The following SCIN variants were observed in gnomAD, a reference collection of about 807,000 sequenced individuals.
SCIN encodes the protein scinderin.
Under a neutral mutation model 91.8 loss-of-function variants are expected in SCIN, and 91 were observed. The ratio of observed to expected loss-of-function variants is 0.99; its 90% CI spans 0.84 to 1.18. SCIN has a LOEUF of 1.18. Among genes scored for constraint, SCIN ranks in the 50% most tolerant of loss-of-function variants. The pLI is 0.00. For missense variants in SCIN, 1,087 were observed against 863.9 expected (o/e 1.26, Z -3.24); for synonymous variants, 367 against 312.6 (o/e 1.17, Z -1.84).
In SCIN at chr7:12,652,856, C is replaced by T. The variant is rs985770949; in HGVS notation, c.*141C>T. On this transcript the variant is annotated 3_prime_UTR_variant, in exon 16 of 16. Coordinates refer to ENST00000297029, the MANE Select transcript of SCIN (RefSeq NM_001112706.3). ...CGGTGGCTCACACCTGTAATCCCAG[C>T]ACTTTGAGAGGATGAGGTAGGCGGA... The T allele has an allele frequency of 2.0e-6, 2 of 985,992 alleles. No homozygotes were observed. The highest frequency in any genetic ancestry group is 1.7e-5 in the African/African-American group (1 of 59,074). 61.1% of individuals were successfully genotyped at this position (985,992 alleles called of 1,614,324 possible). A position where few individuals can be genotyped will look rare whatever the true frequency, so the allele number is the denominator to read the frequency against.
intron 9 of SCIN, among the ~76,000 whole-genome samples, chr7:12,632,185 A>G (rs1191232170): frequency 1.3e-5 from 2 of 150,030 alleles, no homozygotes; most frequent in African/African-American, 2.5e-5. Flanking sequence ...GCTGGAGTAC[A>G]GTGGTGCCAC....
At chr7:12,625,281 T>C (rs1055876115) in intron 6 of SCIN, 139 bp downstream of exon 6, 2 of 756,026 alleles carry the variant, frequency 2.6e-6, no homozygotes, top group Non-Finnish European at 4.0e-6. Flanking sequence ...TCACATAAAA[T>C]GCAGCCATTT....
Position 12,626,638 on chromosome 7 carries a change from G to T in SCIN, c.1036G>T (p.Asp346Tyr). The change falls in exon 8 of 16, where the codon GAC becomes TAC. Residue 346 changes from aspartate (D) to tyrosine (Y), a missense_variant. Transcript: ENST00000297029. Reference sequence around the variant, plus strand: ...ACCAATCTTCAAACAGTTTTTTAAGGACTGGAGAGATAAAGATCAGAGTGA... The same window carrying T: ...ACCAATCTTCAAACAGTTTTTTAAGTACTGGAGAGATAAAGATCAGAGTGA... ...ETPIFKQFFK[D>Y]WRDKDQSDGF... 2 of 1,553,844 alleles carry T rather than the reference G, an allele frequency of 1.3e-6. No individual in the cohort carries two copies. Among genetic ancestry groups the T allele is most frequent in the Non-Finnish European group, 1.7e-6 (2 of 1,148,114 alleles).
Position 12,657,572 on chromosome 7 carries a change from A to ATATATATATATATAT in SCIN, c.*4858_*4859insATATATATATATATT, listed in dbSNP as rs1554298408. 4.5e-5 allele frequency: 1 copy of ATATATATATATATAT among 22,088 alleles called. No individual in the cohort carries two copies. The highest frequency in any genetic ancestry group is 8.1e-5 in the African/African-American group (1 of 12,388). 1.4% of individuals were successfully genotyped at this position (22,088 alleles called of 1,614,324 possible). On this transcript the variant is annotated 3_prime_UTR_variant, in exon 16 of 16. Coordinates refer to ENST00000297029, the MANE Select transcript of SCIN (RefSeq NM_001112706.3). Reference sequence around the variant, plus strand: ...TATATATATATATATATATATATATATTTTTTTTTTTTTTTTTTTTTTTTT... The same window carrying ATATATATATATATAT: ...TATATATATATATATATATATATATATATATATATATATATTTTTTTTTTTTTTTTTTTTTTTTTT...
At chr7:12,650,229 A>AT (rs1356507401) in intron 14 of SCIN, among the ~76,000 whole-genome samples, 3 of 152,188 alleles carry the variant, frequency 2.0e-5, no homozygotes, top group African/African-American at 7.2e-5. Flanking sequence ...CCATTCAGTT[A>AT]TATCACACCC....
At chr7:12,590,745 T>A (rs929369201) in intron 3 of SCIN, among the ~76,000 whole-genome samples, 6 of 152,066 alleles carry the variant, frequency 3.9e-5, no homozygotes, top group Admixed American at 1.3e-4. Context: ...TCCTCAACAG[T>A]GTATAACTCC....
At chr7:12,574,323 A>G (rs896606123) in intron 1 of SCIN, among the ~76,000 whole-genome samples, 2 of 152,146 alleles carry the variant, frequency 1.3e-5, no homozygotes, top group Non-Finnish European at 2.9e-5. Context: ...TTTATATAAA[A>G]TTTTTGAAAT....
intron 3 of SCIN, among the ~76,000 whole-genome samples, chr7:12,582,455 G>A (rs149100031): frequency 1.1e-3 from 160 of 152,236 alleles, no homozygotes; most frequent in Middle Eastern, 3.4e-3. Flanking sequence ...TTAAGTGAGC[G>A]TGCATCTATA....
chr7:12,598,282 A>G (rs1437504667), intron 3 of SCIN, among the ~76,000 whole-genome samples: 3 of 152,178 alleles, frequency 2.0e-5, no homozygotes, highest in Non-Finnish European at 4.4e-5. Flanking sequence ...AAACAGAGTA[A>G]GGTGAATTAA....
chr7:12,640,547 C>T, intron 11 of SCIN, 30 bp downstream of exon 11: 1 of 1,561,000 alleles, frequency 6.4e-7, no homozygotes, highest in Non-Finnish European at 8.7e-7. Flanking sequence ...AAAACATGCC[C>T]TAGTTATGGA....
At chr7:12,644,783 A>C in intron 13 of SCIN, 78 bp downstream of exon 13, 9 of 1,424,552 alleles carry the variant, frequency 6.3e-6, no homozygotes, top group Non-Finnish European at 8.5e-6. Flanking sequence ...TGGGAGGCCG[A>C]GGCAGGCAGA....
intron 8 of SCIN, 32 bp downstream of exon 8, chr7:12,626,831 A>C (rs1445876674): frequency 6.5e-7 from 1 of 1,544,482 alleles, no homozygotes; most frequent in Admixed American, 1.9e-5. Context: ...TATCAAGCCC[A>C]TTAATGCCAG....
In SCIN at chr7:12,588,345, T is replaced by C. The variant is rs150106828; in HGVS notation, c.516+7124T>C. Among the ~76,000 whole-genome samples the C allele has an allele frequency of 2.3e-3, 353 of 152,280 alleles. 1 individual carries two copies. The highest frequency in any genetic ancestry group is 7.9e-3 in the South Asian group (38 of 4,830). On this transcript the variant is annotated intron_variant, in intron 3 of 15. Coordinates refer to ENST00000297029, the MANE Select transcript of SCIN (RefSeq NM_001112706.3). ...AGGTACTGTCAAATGCTGGGAGGCA[T>C]AGACACATACACAAGTAAGAGGATG...
intron 9 of SCIN, among the ~76,000 whole-genome samples, chr7:12,631,861 T>A (rs1367060539): frequency 6.6e-6 from 1 of 151,988 alleles, no homozygotes; most frequent in African/African-American, 2.4e-5. Context: ...GGCATGCAAA[T>A]AGAGAAGTTG....
chr7:12,635,502 C>G (rs965866277), intron 9 of SCIN, among the ~76,000 whole-genome samples: 1 of 146,948 alleles, frequency 6.8e-6, no homozygotes, highest in East Asian at 2.0e-4. Context: ...ATCCCAGGTA[C>G]TTGGGAGGCT....
At chr7:12,601,587 GT>G (rs1344577115) in intron 3 of SCIN, among the ~76,000 whole-genome samples, 2 of 152,136 alleles carry the variant, frequency 1.3e-5, no homozygotes, top group East Asian at 3.9e-4. Flanking sequence ...CTCCTTGCTA[GT>G]TTTTTCTTAA....
chr7:12,573,551 A>C (rs1782310439), intron 1 of SCIN, among the ~76,000 whole-genome samples: 1 of 152,224 alleles, frequency 6.6e-6, no homozygotes, highest in African/African-American at 2.4e-5. Flanking sequence ...ATGTAATGAA[A>C]GTAAAAATTT....
chr7:12,609,714 T>C (rs1233721591), intron 4 of SCIN, among the ~76,000 whole-genome samples: 1 of 152,170 alleles, frequency 6.6e-6, no homozygotes, highest in Non-Finnish European at 1.5e-5. Context: ...CCTATAATCA[T>C]TGTAAATGCT....
At chr7:12,587,099 C>G (rs370010290) in intron 3 of SCIN, among the ~76,000 whole-genome samples, 1 of 152,234 alleles carries the variant, frequency 6.6e-6, no homozygotes, top group African/African-American at 2.4e-5. Flanking sequence ...GTTCCCAGTA[C>G]AAATAAGTGA....
Sources: allele counts gnomAD v4.1 joint callset (sites outside exome capture counted in the v4.1 genomes callset), GRCh38; gene constraint gnomAD v4.1.1; transcripts MANE v1.5; gene names NCBI Gene and HGNC (gene_info 2026-07-23, HGNC 2026-07-21).